COX10: variants seen among roughly 807,000 people sequenced by gnomAD.
The protein encoded by COX10 is cytochrome c oxidase assembly factor heme A:farnesyltransferase COX10.
Under a neutral mutation model 37.3 loss-of-function variants are expected in COX10, and 27 were observed. The observed-to-expected ratio is 0.72, with a 90% CI of 0.53 to 1.00. The LOEUF (loss-of-function observed/expected upper bound fraction) is 1.00, where lower values mean the gene tolerates loss of function less well. COX10 is among the 50% of genes least tolerant of loss of function. COX10 has a pLI of 0.00. For missense variants in COX10, 475 were observed against 563.2 expected (o/e 0.84, Z 1.59); for synonymous variants, 222 against 229.1 (o/e 0.97, Z 0.28).
chr17:14,187,638 A>G (rs1288904220), intron 5 of COX10, among the ~76,000 whole-genome samples: 3 of 152,218 alleles, frequency 2.0e-5, no homozygotes, highest in South Asian at 2.1e-4. Context: ...AATTGGATGT[A>G]TATTACTTTT....
chr17:14,103,035 A>G (rs553154102), intron 4 of COX10, among the ~76,000 whole-genome samples: 1 of 152,320 alleles, frequency 6.6e-6, no homozygotes, highest in Admixed American at 6.5e-5. Context: ...GATAATGCCT[A>G]TAGTCATTAT....
chr17:14,097,372 AGTT>A (rs1312301412), intron 3 of COX10, among the ~76,000 whole-genome samples: 3 of 151,842 alleles, frequency 2.0e-5, no homozygotes, highest in Admixed American at 1.3e-4. Flanking sequence ...CTCTAGTAAT[AGTT>A]GTTATTATTT....
At chr17:14,202,093 T>TCA (rs1555542081) in intron 6 of COX10, among the ~76,000 whole-genome samples, 1 of 79,490 alleles carries the variant, frequency 1.3e-5, no homozygotes, top group Admixed American at 1.3e-4. Flanking sequence ...GATCTCTCTC[T>TCA]TTTTTTTTTT....
chr17:14,191,741 C>A (rs1467191670), intron 5 of COX10, among the ~76,000 whole-genome samples: 4 of 152,178 alleles, frequency 2.6e-5, no homozygotes, highest in Non-Finnish European at 5.9e-5. Context: ...ACACTCTAAT[C>A]CTGACTCTCT....
At chr17:14,074,633 A>T (rs1915102332) in intron 2 of COX10, among the ~76,000 whole-genome samples, 177 bp downstream of exon 2, 1 of 152,230 alleles carries the variant, frequency 6.6e-6, no homozygotes, top group South Asian at 2.1e-4. Context: ...CGAAACCAGA[A>T]TAATTCTGGT....
intron 6 of COX10, among the ~76,000 whole-genome samples, chr17:14,196,741 A>C (rs1906379238): frequency 1.3e-5 from 2 of 151,842 alleles, no homozygotes; most frequent in African/African-American, 4.8e-5. Context: ...CCCCTCCTCC[A>C]CTTCCTTCTC....
intron 6 of COX10, among the ~76,000 whole-genome samples, chr17:14,204,028 G>T (rs1226076786): frequency 6.6e-5 from 10 of 152,130 alleles, no homozygotes; most frequent in African/African-American, 2.4e-4. Context: ...TGGTTCCCAA[G>T]CCGGTGTTGG....
intron 3 of COX10, among the ~76,000 whole-genome samples, chr17:14,082,850 A>G (rs868083309): frequency 1.6e-4 from 24 of 152,230 alleles, no homozygotes; most frequent in African/African-American, 5.5e-4. Context: ...GACAGGACTC[A>G]GAGATCTGCA....
intron 5 of COX10, among the ~76,000 whole-genome samples, chr17:14,185,749 CTTTA>C (rs25579): frequency 0.55 from 78,959 of 142,436 alleles, 21,433 homozygotes; most frequent in Non-Finnish European, 0.6. Flanking sequence ...CTAGTTACCC[CTTTA>C]TTTAACTTTT....
rs1357508031 is a variant in COX10 at position 14,207,206 on chromosome 17, C to T, written c.1325C>T (p.Pro442Leu). Reference protein sequence around the residue: ...PSGGGDAGPPPS With the variant: ...PSGGGDAGPPLS ...GGAGGCGGGGACGCAGGGCCCCCTC[C>T]CAGCTGAGAGCACTGGGACGCCCAC... The change falls in exon 7 of 7, where the codon CCC (proline) becomes CTC (leucine). Residue 442 changes from proline (P) to leucine (L), a missense_variant. This residue lies in a region of COX10 where 160 missense variants were observed against 180.6 expected (regional missense o/e 0.89). Transcript: ENST00000261643. 6.3e-7 allele frequency: 1 copy of T among 1,592,616 alleles called. No homozygotes were observed. The highest frequency in any genetic ancestry group is 8.5e-7 in the Non-Finnish European group (1 of 1,172,326).
chr17:14,122,840 T>C (rs1216879314), intron 4 of COX10, among the ~76,000 whole-genome samples: 1 of 152,226 alleles, frequency 6.6e-6, no homozygotes, highest in African/African-American at 2.4e-5. Context: ...AGAAACTAAC[T>C]AAATCCTACC....
intron 3 of COX10, among the ~76,000 whole-genome samples, chr17:14,084,014 A>G (rs950283602): frequency 6.6e-6 from 1 of 152,208 alleles, no homozygotes; most frequent in African/African-American, 2.4e-5. Context: ...GATGGAACTG[A>G]TATGAAGTAT....
intron 3 of COX10, 102 bp downstream of exon 3, chr17:14,077,158 A>G (rs2142182683): frequency 9.1e-7 from 1 of 1,100,300 alleles, no homozygotes; most frequent in Non-Finnish European, 1.3e-6. Flanking sequence ...TTGGAACTGC[A>G]GGTCCTGTCT....
intron 4 of COX10, among the ~76,000 whole-genome samples, chr17:14,130,400 TAG>T (rs905437833): frequency 3.9e-5 from 6 of 152,128 alleles, no homozygotes; most frequent in Non-Finnish European, 8.8e-5. Context: ...GGACTTCTGA[TAG>T]AGTTACTTGT....
At chr17:14,110,091 A>T (rs1366810176) in intron 4 of COX10, among the ~76,000 whole-genome samples, 1 of 152,112 alleles carries the variant, frequency 6.6e-6, no homozygotes, top group Non-Finnish European at 1.5e-5. Context: ...GTTCTCAGAG[A>T]CTTTATTTTG....
At chr17:14,151,526 A>AACAC (rs58412592) in intron 4 of COX10, among the ~76,000 whole-genome samples, 75 of 144,750 alleles carry the variant, frequency 5.2e-4, no homozygotes, top group African/African-American at 1.9e-3. Context: ...TTCCTGAACT[A>AACAC]ACACACACAC....
At chr17:14,084,690 C>T (rs1216443588) in intron 3 of COX10, among the ~76,000 whole-genome samples, 1 of 151,958 alleles carries the variant, frequency 6.6e-6, no homozygotes, top group South Asian at 2.1e-4. Flanking sequence ...AGAAAAATTT[C>T]GCTCTTGTCA....
intron 5 of COX10, among the ~76,000 whole-genome samples, chr17:14,178,303 A>G (rs1361576332): frequency 1.0e-5 from 1 of 97,636 alleles, no homozygotes; most frequent in African/African-American, 3.0e-5. Flanking sequence ...GTTTTGCCCT[A>G]GGAGATTATA....
intron 5 of COX10, among the ~76,000 whole-genome samples, chr17:14,184,047 T>G (rs1258900833): frequency 6.6e-6 from 1 of 152,154 alleles, no homozygotes. Flanking sequence ...TGTATTTAAT[T>G]CTTAAGACAA....
Sources: gnomAD v4.1 joint callset for allele counts (sites outside exome capture counted in the v4.1 genomes callset) on GRCh38, gnomAD v4.1.1 for gene constraint, gnomAD v4.1.1 regional missense constraint, MANE v1.5 for transcripts, NCBI Gene and HGNC (gene_info 2026-07-23, HGNC 2026-07-21) for gene names.